MBTPS1: variants seen among roughly 807,000 people sequenced by gnomAD.
The protein encoded by MBTPS1 is membrane-bound transcription factor site-1 protease.
In MBTPS1, 94 loss-of-function variants were observed where a neutral mutation model predicts 127.8. The ratio of observed to expected loss-of-function variants is 0.74; its 90% CI spans 0.62 to 0.87. MBTPS1 has a LOEUF of 0.87. Ranked by LOEUF, MBTPS1 falls within the 40% of genes least tolerant of loss-of-function variation. MBTPS1 has a pLI of 0.00. For missense variants in MBTPS1, 1,636 were observed against 1,353.2 expected (o/e 1.21, Z -3.28); for synonymous variants, 632 against 509.4 (o/e 1.24, Z -3.24).
Position 84,093,175 on chromosome 16 carries a change from T to C in MBTPS1, c.846+13A>G. On this transcript the variant is annotated intron_variant, in intron 6 of 22. Coordinates refer to ENST00000343411, the MANE Select transcript of MBTPS1 (RefSeq NM_003791.4). The stretch of plus-strand genomic sequence containing the variant: ...TGAATTCCTCAAGTTTCAGGAGTCC[T>C]CAAAACACCTACCTGATTATTGGTA... 1 of 1,573,530 alleles carries C rather than the reference T, an allele frequency of 6.4e-7. No homozygotes were observed. The highest frequency in any genetic ancestry group is 2.2e-5 in the East Asian group (1 of 44,700).
At chr16:84,060,448 A>C in intron 20 of MBTPS1, 1 of 473,682 alleles carries the variant, frequency 2.1e-6, no homozygotes, top group Non-Finnish European at 3.8e-6. Context: ...GTCGGGGTGC[A>C]CGTGGGAAAG....
chr16:84,069,929 A>G lies in MBTPS1; in HGVS notation c.1892T>C (p.Leu631Pro). ...KRVLWDQYHN[L>P]RYPPGYFPRD... Reference sequence around the variant, plus strand: ...GGGGAAATAGCCAGGTGGATAGCGGAGGTTGTGGTACTGATCCCAGAGAAC... The same window carrying G: ...GGGGAAATAGCCAGGTGGATAGCGGGGGTTGTGGTACTGATCCCAGAGAAC... Residue 631 changes from leucine (L) to proline (P), a missense_variant, in exon 14 of 23, where the codon CTC (leucine) becomes CCC (proline). Transcript: ENST00000343411. 1 of 1,614,020 alleles carries G rather than the reference A, an allele frequency of 6.2e-7. No individual in the cohort carries two copies.
At chr16:84,074,779 A>G in intron 11 of MBTPS1, 38 bp from the exon 12 acceptor site, 1 of 1,574,126 alleles carries the variant, frequency 6.4e-7, no homozygotes, top group Non-Finnish European at 8.7e-7. Flanking sequence ...AGATCATATG[A>G]GAAAACTACA....
chr16:84,069,897 T>C lies in MBTPS1; in HGVS notation c.1924A>G (p.Asn642Asp). 1.2e-6 allele frequency: 2 copies of C among 1,614,152 alleles called. No homozygotes were observed. Among genetic ancestry groups the C allele is most frequent in the Non-Finnish European group, 1.7e-6 (2 of 1,180,022 alleles). The change falls in exon 14 of 23, where the codon AAT becomes GAT. Residue 642 changes from asparagine to aspartate, a missense_variant. Asn to Asp is a conservative substitution (Grantham distance 23). Transcript: ENST00000343411. ...AAAGGGTCATTCTTCATCCTTAAAT[T>C]ATCCCTGGGGAAATAGCCAGGTGGA... The part of the protein sequence containing the change: ...RYPPGYFPRD[N>D]LRMKNDPLDW...
intron 1 of MBTPS1, among the ~76,000 whole-genome samples, chr16:84,111,369 G>C (rs1017570795): frequency 6.6e-6 from 1 of 152,126 alleles, no homozygotes; most frequent in Admixed American, 6.5e-5. Flanking sequence ...GTGAAACCCC[G>C]TCTCTACAAA....
In MBTPS1 at chr16:84,093,737, C is replaced by T. The variant is rs2086142259; in HGVS notation, c.710G>A (p.Trp237Ter). 3 of 1,613,896 alleles carry T rather than the reference C, an allele frequency of 1.9e-6. No homozygotes were observed. Among genetic ancestry groups the T allele is most frequent in the Non-Finnish European group, 2.5e-6 (3 of 1,179,902 alleles). ...ATCGTCCAGCGTTCGCTCGTTGGTC[C>T]AGTTGGTTCTCTCCTTCACATTTTT... ...HFKNVKERTN[W>*]TNERTLDDGL... Residue 237 changes from tryptophan (W) to a stop codon, truncating the protein, a stop_gained, in exon 5 of 23, where the codon TGG becomes TAG. Coordinates refer to ENST00000343411, the MANE Select transcript of MBTPS1 (RefSeq NM_003791.4). LOFTEE classifies it high-confidence loss of function.
intron 9 of MBTPS1, 57 bp downstream of exon 9, chr16:84,087,301 C>T: frequency 7.4e-7 from 1 of 1,347,300 alleles, no homozygotes; most frequent in Non-Finnish European, 1.1e-6. Context: ...CAACCGGTGC[C>T]ACTAGCCACA....
At chr16:84,059,855 A>G (rs994811401) in intron 20 of MBTPS1, 7 of 155,850 alleles carry the variant, frequency 4.5e-5, no homozygotes, top group Admixed American at 3.8e-4. Context: ...TATTTCTTAG[A>G]TCTGCACCAT....
intron 8 of MBTPS1, 142 bp from the exon 9 acceptor site, chr16:84,087,602 G>A (rs2086048755): frequency 6.6e-6 from 4 of 605,104 alleles, no homozygotes; most frequent in Non-Finnish European, 8.7e-6. Flanking sequence ...GAAGACGTGT[G>A]CAGCTCCTCA....
chr16:84,055,900 G>A lies in MBTPS1; in HGVS notation c.2962+105C>T, dbSNP rs2085514271. The A allele has an allele frequency of 4.6e-6, 6 of 1,295,226 alleles. No individual in the cohort carries two copies. In the East Asian group the frequency reaches 1.4e-4, roughly 31 times the overall value. 80.2% of individuals were successfully genotyped at this position (1,295,226 alleles called of 1,614,324 possible). On this transcript the variant is annotated intron_variant, in intron 22 of 22. Transcript: ENST00000343411. ...CCAAGGCCACCACAGCTCCCAGGAAGGCAGAGACAGGGAGAGTCTGGCCCG... is the reference window on the plus strand; with the variant it reads ...CCAAGGCCACCACAGCTCCCAGGAAAGCAGAGACAGGGAGAGTCTGGCCCG...
At position 84,054,076 on chromosome 16, in the gene MBTPS1, A is replaced by C; in HGVS notation, c.*373T>G. The C allele has an allele frequency of 5.9e-6, 1 of 168,554 alleles. No individual in the cohort carries two copies. The highest frequency in any genetic ancestry group is 1.3e-5 in the Non-Finnish European group (1 of 77,828). The allele number at this position is 168,554 out of a possible 1,614,324, so 10.4% of individuals were successfully genotyped here. A position where few individuals can be genotyped will look rare whatever the true frequency, so the allele number is the denominator to read the frequency against. On this transcript the variant is annotated 3_prime_UTR_variant, in exon 23 of 23. Coordinates refer to ENST00000343411, the MANE Select transcript of MBTPS1 (RefSeq NM_003791.4). ...TTTCCCAACAATAAATATAGAAAAT[A>C]GCCTTTAACAAGCGTCTTTTAGCTT... is the stretch of plus-strand genomic sequence containing the variant.
In MBTPS1 at chr16:84,116,871, C is replaced by T. The variant is rs1435660452; in HGVS notation, c.-461G>A. Reference sequence around the variant, plus strand: ...GCGACCGGGCCAGCGAGGCCCACAGCTGGGAGCCTCAGCTCCGCCGACCCA... The same window carrying T: ...GCGACCGGGCCAGCGAGGCCCACAGTTGGGAGCCTCAGCTCCGCCGACCCA... On this transcript the variant is annotated 5_prime_UTR_variant, in exon 1 of 23. Transcript: ENST00000343411. 1 of 152,294 alleles carries T rather than the reference C, an allele frequency of 6.6e-6. No homozygotes were observed. The highest frequency in any genetic ancestry group is 1.5e-5 in the Non-Finnish European group (1 of 68,094). 9.4% of individuals were successfully genotyped at this position (152,294 alleles called of 1,614,324 possible).
At chr16:84,089,090 G>A (rs921140590) in intron 8 of MBTPS1, among the ~76,000 whole-genome samples, 9 of 152,268 alleles carry the variant, frequency 5.9e-5, no homozygotes, top group Non-Finnish European at 1.2e-4. Flanking sequence ...CGAAAGAGCT[G>A]GGAATCCAGA....
intron 4 of MBTPS1, among the ~76,000 whole-genome samples, chr16:84,094,201 A>AC (rs2086149394): frequency 6.8e-6 from 1 of 148,118 alleles, no homozygotes; most frequent in Non-Finnish European, 1.5e-5. Context: ...ACAGGTCTCC[A>AC]CCCCCCACCT....
At chr16:84,114,224 G>T (rs531197265) in intron 1 of MBTPS1, among the ~76,000 whole-genome samples, 12 of 152,154 alleles carry the variant, frequency 7.9e-5, no homozygotes, top group Non-Finnish European at 1.6e-4. Context: ...GCCTCCCAAA[G>T]TGCTGGGATT....
chr16:84,084,932 G>C (rs749848896), intron 10 of MBTPS1, 51 bp downstream of exon 10: 7 of 1,581,314 alleles, frequency 4.4e-6, no homozygotes, highest in Admixed American at 1.7e-5. Flanking sequence ...CTGGCACCGA[G>C]TGCTCCTGTC....
At chr16:84,067,436 T>C (rs967194950) in intron 16 of MBTPS1, among the ~76,000 whole-genome samples, 1 of 152,224 alleles carries the variant, frequency 6.6e-6, no homozygotes, top group Non-Finnish European at 1.5e-5. Flanking sequence ...CACTGCAGCC[T>C]TGGCCTCCCA....
chr16:84,108,613 C>G (rs1259048265), intron 1 of MBTPS1, among the ~76,000 whole-genome samples: 1 of 152,192 alleles, frequency 6.6e-6, no homozygotes, highest in Non-Finnish European at 1.5e-5. Flanking sequence ...TTTTCTTCTT[C>G]CCTTCCTGAA....
At position 84,068,430 on chromosome 16, in the gene MBTPS1, A is replaced by G. The variant is rs749255568; in HGVS notation, c.1980T>C (p.Asn660=). The change falls in exon 15 of 23, where the codon AAT becomes AAC. Residue 660 remains asparagine, a synonymous_variant. Coordinates refer to ENST00000343411, the MANE Select transcript of MBTPS1 (RefSeq NM_003791.4). The part of the protein sequence containing the change: ...LDWNGDHIHT[N]FRDMYQHLRS... ...TCAGATGCTGGTACATATCCCTGAA[A>G]TTGGTGTGGATGTGATCACCATTCC... The G allele has an allele frequency of 6.2e-7, 1 of 1,613,698 alleles. No homozygotes were observed. Among genetic ancestry groups the G allele is most frequent in the Admixed American group, 1.7e-5 (1 of 60,032 alleles).
Sources: gnomAD v4.1 joint callset for allele counts (sites outside exome capture counted in the v4.1 genomes callset) on GRCh38, gnomAD v4.1.1 for gene constraint, MANE v1.5 for transcripts, NCBI Gene and HGNC (gene_info 2026-07-23, HGNC 2026-07-21) for gene names.